PYM1: variants seen among roughly 807,000 people sequenced by gnomAD.
The protein encoded by PYM1 is PYM1 exon junction complex associated factor.
In PYM1, 7 loss-of-function variants were observed where a neutral mutation model predicts 20.7. That is an observed-to-expected ratio of 0.34 (90% CI 0.19 to 0.64). The LOEUF (loss-of-function observed/expected upper bound fraction) is 0.64. PYM1 is among the 30% of genes least tolerant of loss of function. PYM1 has a pLI of 0.74. For missense variants in PYM1, 194 were observed against 250.0 expected, an observed-to-expected ratio of 0.78 and a Z score of 1.51; for synonymous variants, 100 against 99.2, an observed-to-expected ratio of 1.01 and a Z score of -0.05.
At chr12:55,924,780 G>A (rs527484519) in intron 1 of PYM1, among the ~76,000 whole-genome samples, 3 of 152,288 alleles carry the variant, frequency 2.0e-5, no homozygotes, top group Middle Eastern at 3.4e-3. Context: ...GGGTTCAAGC[G>A]ATTCTCCTGT....
intron 1 of PYM1, among the ~76,000 whole-genome samples, chr12:55,904,249 G>C (rs1317645403): frequency 1.3e-5 from 2 of 151,472 alleles, no homozygotes; most frequent in Non-Finnish European, 2.9e-5. Context: ...TTATAGGCAT[G>C]AGCCACAGCG....
intron 1 of PYM1, among the ~76,000 whole-genome samples, chr12:55,915,556 CT>C (rs1882991551): frequency 8.1e-6 from 1 of 123,768 alleles, no homozygotes; most frequent in African/African-American, 2.9e-5. Context: ...AAGAGTTTAT[CT>C]TTAAAAAAAA....
In PYM1 at chr12:55,924,846, A is replaced by G. The variant is rs1883162282; in HGVS notation, c.37+2879T>C. ...CCCACGCCACCATGCCACCACACTC[A>G]GCTAATTTTAGTAGTTTTAGTAGAG... On this transcript the variant is annotated intron_variant, in intron 1 of 2. Transcript: ENST00000408946. Among the ~76,000 whole-genome samples the G allele has an allele frequency of 2.0e-5, 3 of 152,084 alleles. No individual in the cohort carries two copies. The South Asian group carries it at 6.2e-4, about 31-fold the overall frequency.
At chr12:55,909,857 CAA>C (rs1177224684) in intron 1 of PYM1, among the ~76,000 whole-genome samples, 3 of 151,858 alleles carry the variant, frequency 2.0e-5, no homozygotes, top group Non-Finnish European at 4.4e-5. Context: ...AAAATAAAAA[CAA>C]AAAAGAGAGG....
At chr12:55,921,016 C>G (rs1271873151) in intron 1 of PYM1, among the ~76,000 whole-genome samples, 1 of 152,100 alleles carries the variant, frequency 6.6e-6, no homozygotes, top group African/African-American at 2.4e-5. Context: ...TAAATTTGCA[C>G]TTAAGAAGCA....
intron 1 of PYM1, among the ~76,000 whole-genome samples, chr12:55,912,191 T>TA (rs994535475): frequency 3.4e-4 from 48 of 139,832 alleles, no homozygotes; most frequent in East Asian, 1.5e-3. Context: ...TCTACGAAAA[T>TA]AAAAAAAAAA....
In PYM1 at chr12:55,902,071, G is replaced by A. The variant is rs768410903; in HGVS notation, c.416C>T (p.Ser139Phe). 4.3e-6 allele frequency: 7 copies of A among 1,613,966 alleles called. No homozygotes were observed. Among genetic ancestry groups the A allele is most frequent in the Non-Finnish European group, 5.9e-6 (7 of 1,180,012 alleles). ...GGTGGCAGCTGAGTCAGGCTGGTCA[G>A]ATGCAGCTGTGGGGGCTGCCCGAGA... ...QGSRAAPTAASDQPDSAATTE... is the reference protein window; with the variant it reads ...QGSRAAPTAAFDQPDSAATTE... Residue 139 changes from serine (S) to phenylalanine (F), a missense_variant, in exon 3 of 3, where the codon TCT becomes TTT. Around this residue, in one of 3 missense-constraint regions of PYM1, gnomAD observed 158 missense variants for 179.0 expected, o/e 0.88. Coordinates refer to ENST00000408946, the MANE Select transcript of PYM1 (RefSeq NM_032345.3).
At chr12:55,904,490 G>C (rs938348491) in intron 1 of PYM1, among the ~76,000 whole-genome samples, 21 of 149,266 alleles carry the variant, frequency 1.4e-4, no homozygotes, top group African/African-American at 4.9e-4. Flanking sequence ...CAGCTACTCA[G>C]GAGGCTGAGG....
chr12:55,917,905 A>C (rs1883034979), intron 1 of PYM1, among the ~76,000 whole-genome samples: 1 of 151,602 alleles, frequency 6.6e-6, no homozygotes, highest in Non-Finnish European at 1.5e-5. Context: ...GGTTGTAGTG[A>C]GCCAAGATCA....
At chr12:55,921,239 A>G (rs1883092622) in intron 1 of PYM1, among the ~76,000 whole-genome samples, 1 of 152,236 alleles carries the variant, frequency 6.6e-6, no homozygotes, top group Non-Finnish European at 1.5e-5. Context: ...AGTAATAATT[A>G]TAGAACAATG....
chr12:55,910,248 T>TATAC (rs1373320596), intron 1 of PYM1, among the ~76,000 whole-genome samples: 2 of 94,594 alleles, frequency 2.1e-5, no homozygotes, highest in Admixed American at 2.8e-4. Context: ...GGCTTGGTTT[T>TATAC]ATACATATAT....
At position 55,901,765 on chromosome 12, in the gene PYM1, A is replaced by T; in HGVS notation, c.*107T>A. ...GAGCTGGGCCGCAGGAGGTGGAAGT[A>T]AGCCAGTATGGGGGGTACCCCTCCT... On this transcript the variant is annotated 3_prime_UTR_variant, in exon 3 of 3. Transcript: ENST00000408946. 8.9e-7 allele frequency: 1 copy of T among 1,126,572 alleles called. No individual in the cohort carries two copies. The highest frequency in any genetic ancestry group is 1.6e-5 in the South Asian group (1 of 62,944). 69.8% of individuals were successfully genotyped at this position (1,126,572 alleles called of 1,614,324 possible).
intron 1 of PYM1, among the ~76,000 whole-genome samples, chr12:55,904,737 T>C (rs1016125931): frequency 5.3e-5 from 8 of 150,306 alleles, no homozygotes; most frequent in Admixed American, 1.3e-4. Flanking sequence ...ATTAGCCGGG[T>C]GTGATGGCAC....
intron 1 of PYM1, among the ~76,000 whole-genome samples, chr12:55,912,409 A>G (rs1471799365): frequency 1.3e-5 from 2 of 152,022 alleles, no homozygotes; most frequent in African/African-American, 4.8e-5. Flanking sequence ...GGGTGATAAG[A>G]TAACTTTTCT....
At chr12:55,924,726 G>A (rs1168906957) in intron 1 of PYM1, among the ~76,000 whole-genome samples, 2 of 152,022 alleles carry the variant, frequency 1.3e-5, no homozygotes, top group Admixed American at 1.3e-4. Flanking sequence ...GCCCAGGCTG[G>A]AGTGCAGTGG....
chr12:55,916,691 G>A (rs1205839613), intron 1 of PYM1, among the ~76,000 whole-genome samples: 1 of 152,094 alleles, frequency 6.6e-6, no homozygotes, highest in Non-Finnish European at 1.5e-5. Flanking sequence ...CCAGCTACTC[G>A]GGAGGCTGAG....
chr12:55,905,712 AT>A (rs1565714280), intron 1 of PYM1, among the ~76,000 whole-genome samples: 3 of 22,336 alleles, frequency 1.3e-4, no homozygotes, highest in Admixed American at 9.6e-4. Flanking sequence ...CAATTAAAAA[AT>A]ATATATATAT....
chr12:55,905,932 TA>T (rs1882802892), intron 1 of PYM1, among the ~76,000 whole-genome samples: 1 of 118,526 alleles, frequency 8.4e-6, no homozygotes, highest in African/African-American at 3.6e-5. Flanking sequence ...TATATATATC[TA>T]ATAGATATAT....
intron 1 of PYM1, chr12:55,913,637 T>C (rs1348030282): frequency 6.6e-6 from 1 of 152,106 alleles, no homozygotes; most frequent in Admixed American, 6.6e-5. Flanking sequence ...CTACAGGTAA[T>C]GAAAGGAAAA....
Sources: gnomAD v4.1 joint callset for allele counts (sites outside exome capture counted in the v4.1 genomes callset) on GRCh38, gnomAD v4.1.1 for gene constraint, gnomAD v4.1.1 regional missense constraint, MANE v1.5 for transcripts, NCBI Gene and HGNC (gene_info 2026-07-23, HGNC 2026-07-21) for gene names.